The following ANKS1A variants were observed in gnomAD, a reference collection of about 807,000 sequenced individuals.
ANKS1A encodes the protein ankyrin repeat and SAM domain-containing protein 1A.
ANKS1A carries 55 observed loss-of-function variants against 120.3 expected under a neutral mutation model. The observed-to-expected ratio is 0.46, with a 90% CI of 0.37 to 0.57. The LOEUF (loss-of-function observed/expected upper bound fraction) is 0.57. ANKS1A is among the 20% of genes least tolerant of loss of function. ANKS1A has a pLI of 0.00. For missense variants in ANKS1A, 1,123 were observed against 1,480.3 expected (o/e 0.76, Z 3.96); for synonymous variants, 590 against 604.7 (o/e 0.98, Z 0.36).
intron 1 of ANKS1A, among the ~76,000 whole-genome samples, chr6:34,890,502 T>C (rs895417359): frequency 6.6e-6 from 1 of 152,220 alleles, no homozygotes; most frequent in African/African-American, 2.4e-5. Context: ...GTGAACCTCA[T>C]TGGATTAGTC....
chr6:35,019,808 A>G (rs201682944), intron 11 of ANKS1A, among the ~76,000 whole-genome samples: 8 of 152,274 alleles, frequency 5.3e-5, no homozygotes, highest in South Asian at 4.1e-4. Flanking sequence ...AGAGAAAAAC[A>G]TCAGTGACTC....
At chr6:34,967,004 G>A (rs1770925616) in intron 1 of ANKS1A, among the ~76,000 whole-genome samples, 1 of 152,168 alleles carries the variant, frequency 6.6e-6, no homozygotes, top group South Asian at 2.1e-4. Context: ...ACTCTTAAGC[G>A]ATGACACTGT....
chr6:35,012,653 A>G (rs1481261621), intron 10 of ANKS1A, among the ~76,000 whole-genome samples: 1 of 152,234 alleles, frequency 6.6e-6, no homozygotes, highest in Non-Finnish European at 1.5e-5. Context: ...TTATTATTCA[A>G]AAGCCCTTGA....
Position 35,063,470 on chromosome 6 carries a change from G to A in ANKS1A, c.2184+3217G>A, listed in dbSNP as rs144236725. ...ACGATGGTGGTCCTGATGCTGGAGT[G>A]CTAAGTAGATATTTAAAAAACCACA... On this transcript the variant is annotated intron_variant, in intron 13 of 23. Coordinates refer to ENST00000360359, the MANE Select transcript of ANKS1A (RefSeq NM_015245.3). Among the ~76,000 whole-genome samples, 380 of 152,366 alleles carry A rather than the reference G, an allele frequency of 2.5e-3. 2 individuals carry two copies. The highest frequency in any genetic ancestry group is 8.7e-3 in the African/African-American group (360 of 41,580).
At chr6:35,010,129 GAACT>G (rs1391404148) in intron 10 of ANKS1A, among the ~76,000 whole-genome samples, 1 of 151,798 alleles carries the variant, frequency 6.6e-6, no homozygotes, top group Admixed American at 6.6e-5. Context: ...CAAGCCTGCT[GAACT>G]CCAGCCTGGG....
chr6:34,946,126 G>A (rs1484492780), intron 1 of ANKS1A, among the ~76,000 whole-genome samples: 3 of 151,650 alleles, frequency 2.0e-5, no homozygotes, highest in Non-Finnish European at 2.9e-5. Context: ...GACTACAGGC[G>A]TGTGCCACCA....
At chr6:34,912,671 T>A (rs1454505754) in intron 1 of ANKS1A, among the ~76,000 whole-genome samples, 1 of 152,246 alleles carries the variant, frequency 6.6e-6, no homozygotes, top group East Asian at 1.9e-4. Context: ...AGAATTAGTT[T>A]TCTACCACAA....
At position 35,082,793 on chromosome 6, in the gene ANKS1A, G is replaced by C. The variant is rs773043539; in HGVS notation, c.2812G>C (p.Glu938Gln). Reference protein sequence around the residue: ...WQHQPEKLIFESCGYEANYLG... With the variant: ...WQHQPEKLIFQSCGYEANYLG... ...ACACCAGCCAGAGAAACTCATCTTCGAGTCCTGTGGTTATGAAGCCAATGT... is the reference window on the plus strand; with the variant it reads ...ACACCAGCCAGAGAAACTCATCTTCCAGTCCTGTGGTTATGAAGCCAATGT... Residue 938 changes from glutamate (E) to glutamine (Q), a missense_variant, in exon 18 of 24, where the codon GAG becomes CAG. Physicochemically the swap from Glu to Gln is conservative, Grantham distance 29 (BLOSUM62 2). This residue lies in a region of ANKS1A where 904 missense variants were observed against 1,130.4 expected (regional missense o/e 0.80). Coordinates refer to ENST00000360359, the MANE Select transcript of ANKS1A (RefSeq NM_015245.3). This position sits in a 1 kb window ranked among gnomAD's most constrained non-coding sequence, Gnocchi z 4.1. The C allele has an allele frequency of 1.1e-5, 17 of 1,613,860 alleles. No homozygotes were observed. The highest frequency in any genetic ancestry group is 1.7e-5 in the Admixed American group (1 of 59,996).
chr6:35,067,885 A>ATTTTTTTTTTTT (rs1561952442), intron 13 of ANKS1A, among the ~76,000 whole-genome samples: 1 of 115,836 alleles, frequency 8.6e-6, no homozygotes, highest in African/African-American at 3.0e-5. Flanking sequence ...CTTCATTTTC[A>ATTTTTTTTTTTT]ATTTTTTTTT....
At chr6:35,024,187 C>T (rs1305954343) in intron 11 of ANKS1A, among the ~76,000 whole-genome samples, 2 of 152,176 alleles carry the variant, frequency 1.3e-5, no homozygotes, top group Non-Finnish European at 2.9e-5. Flanking sequence ...GCAGAGTCTC[C>T]TTTTGGTATG....
Position 34,975,346 on chromosome 6 carries a change from C to T in ANKS1A, c.435+5180C>T, listed in dbSNP as rs542481156. On this transcript the variant is annotated intron_variant, in intron 3 of 23. Coordinates refer to ENST00000360359, the MANE Select transcript of ANKS1A (RefSeq NM_015245.3). The stretch of plus-strand genomic sequence containing the variant: ...GCATGTGCCTATAATCCCAGCTACT[C>T]GGGAGGCTGAGGCAGGAGAATCGCT... Among the ~76,000 whole-genome samples the T allele has an allele frequency of 1.2e-3, 186 of 151,532 alleles. 1 individual carries two copies. The highest frequency in any genetic ancestry group is 6.8e-3 in the Middle Eastern group (2 of 294).
chr6:35,071,617 T>TG (rs1370023590), intron 13 of ANKS1A, among the ~76,000 whole-genome samples: 7 of 152,058 alleles, frequency 4.6e-5, no homozygotes, highest in African/African-American at 1.7e-4. Flanking sequence ...TTCAGTTTCC[T>TG]GGGGGGCTGA....
At chr6:34,990,338 A>C (rs1772438361) in intron 9 of ANKS1A, among the ~76,000 whole-genome samples, 1 of 152,156 alleles carries the variant, frequency 6.6e-6, no homozygotes, top group Non-Finnish European at 1.5e-5. Context: ...TTAGTTACAA[A>C]ATGCTTATTA....
At chr6:35,024,509 A>G (rs957499069) in intron 11 of ANKS1A, among the ~76,000 whole-genome samples, 2 of 152,244 alleles carry the variant, frequency 1.3e-5, no homozygotes, top group Non-Finnish European at 2.9e-5. Context: ...ATAAATATTA[A>G]ATAAGTGGGA....
chr6:34,937,749 C>T (rs1769330851), intron 1 of ANKS1A, among the ~76,000 whole-genome samples: 1 of 152,176 alleles, frequency 6.6e-6, no homozygotes, highest in African/African-American at 2.4e-5. Flanking sequence ...GTTTTGACCT[C>T]ATCTCAAGAT....
chr6:35,086,222 G>T lies in ANKS1A; in HGVS notation c.3303+286G>T. 8 of 1,370,112 alleles carry T rather than the reference G, an allele frequency of 5.8e-6. No individual in the cohort carries two copies. Among genetic ancestry groups the T allele is most frequent in the Non-Finnish European group, 7.7e-6 (8 of 1,032,452 alleles). The allele number at this position is 1,370,112 out of a possible 1,614,324, so 84.9% of individuals were successfully genotyped here. On this transcript the variant is annotated intron_variant, in intron 22 of 23. Coordinates refer to ENST00000360359, the MANE Select transcript of ANKS1A (RefSeq NM_015245.3). The surrounding 1 kb of genome is among the most constrained non-coding windows in gnomAD (Gnocchi z 5.1). The stretch of plus-strand genomic sequence containing the variant: ...GAGAGCGGCCTGCAGGCAGCCCCCA[G>T]TAACTGCGCCATCCCTGTGTCTGTG...
At chr6:35,030,603 T>C (rs1009176387) in intron 11 of ANKS1A, among the ~76,000 whole-genome samples, 4 of 152,250 alleles carry the variant, frequency 2.6e-5, no homozygotes, top group African/African-American at 9.6e-5. Flanking sequence ...TTCCAACTTT[T>C]GCTTGTAAAC....
In ANKS1A at chr6:35,083,192, CAG is replaced by C; in HGVS notation, c.2875_2876del (p.Glu959IlefsTer121). On this transcript the variant is annotated frameshift_variant, in exon 19 of 24. Coordinates refer to ENST00000360359, the MANE Select transcript of ANKS1A (RefSeq NM_015245.3). LOFTEE classifies it high-confidence loss of function. ...ATGCTGATCAAAGATCTGCGAGGGA[CAG>C]AATCCACGCAAGACGCCTGTGCCAA... 1 of 1,614,160 alleles carries C rather than the reference CAG, an allele frequency of 6.2e-7. No individual in the cohort carries two copies.
intron 10 of ANKS1A, among the ~76,000 whole-genome samples, chr6:35,003,847 A>G (rs1009401906): frequency 7.2e-5 from 11 of 152,156 alleles, no homozygotes; most frequent in African/African-American, 2.7e-4. Flanking sequence ...ACCCTCTCAT[A>G]TTGTTTTATA....
Sources: allele counts gnomAD v4.1 joint callset (sites outside exome capture counted in the v4.1 genomes callset), GRCh38; gene constraint gnomAD v4.1.1; regional missense constraint gnomAD v4.1.1; non-coding constraint Gnocchi (gnomAD v3.1); transcripts MANE v1.5; gene names NCBI Gene and HGNC (gene_info 2026-07-23, HGNC 2026-07-21).